Variants in RGS6 observed in about 807,000 individuals in gnomAD.
RGS6 encodes the protein regulator of G protein signaling 6.
A neutral mutation model predicts 78.5 loss-of-function variants in RGS6; 30 were observed. The observed-to-expected ratio is 0.38, with a 90% CI of 0.29 to 0.52. The LOEUF (loss-of-function observed/expected upper bound fraction) is 0.52. RGS6 is among the 20% of genes least tolerant of loss of function. The pLI is 0.85. For missense variants in RGS6, 495 were observed against 609.7 expected (o/e 0.81, Z 1.98); for synonymous variants, 206 against 206.0 (o/e 1.00, Z 0.00).
chr14:72,309,224 G>A (rs1176924944), intron 2 of RGS6, among the ~76,000 whole-genome samples: 4 of 152,172 alleles, frequency 2.6e-5, no homozygotes, highest in African/African-American at 7.2e-5. Flanking sequence ...CACCCTCAGA[G>A]GTCAGAGCGA....
chr14:72,166,352 C>T (rs1171384576), intron 2 of RGS6, among the ~76,000 whole-genome samples: 1 of 151,878 alleles, frequency 6.6e-6, no homozygotes, highest in Non-Finnish European at 1.5e-5. Flanking sequence ...ATTATTTTTC[C>T]AAAATTAATC....
At position 72,109,479 on chromosome 14, in the gene RGS6, A is replaced by T. The variant is rs529098584; in HGVS notation, c.84+144604A>T. ...AATTTTAGAGTCTATAACTTGAGAGATATAGCATTTTTGGAGCTGGGACAA... is the reference window on the plus strand; with the variant it reads ...AATTTTAGAGTCTATAACTTGAGAGTTATAGCATTTTTGGAGCTGGGACAA... On this transcript the variant is annotated intron_variant, in intron 2 of 17. Transcript: ENST00000553525. Among the ~76,000 whole-genome samples the T allele has an allele frequency of 2.6e-5, 4 of 152,328 alleles. No homozygotes were observed. The South Asian group carries it at 8.3e-4, about 32-fold the overall frequency.
intron 3 of RGS6, among the ~76,000 whole-genome samples, chr14:72,419,959 A>T (rs1349283104): frequency 6.6e-6 from 1 of 152,206 alleles, no homozygotes; most frequent in East Asian, 1.9e-4. Flanking sequence ...TGAGACAGAG[A>T]AGTGGATGGG....
intron 2 of RGS6, among the ~76,000 whole-genome samples, chr14:72,018,033 T>C (rs2087458992): frequency 1.3e-5 from 2 of 152,228 alleles, no homozygotes; most frequent in African/African-American, 4.8e-5. Context: ...TGTTTGGTTT[T>C]CTTTTCTTGT....
At chr14:72,406,841 G>A (rs2239216) in intron 3 of RGS6, among the ~76,000 whole-genome samples, 25,462 of 152,128 alleles carry the variant, frequency 0.17, 2,645 homozygotes, top group South Asian at 0.29. Context: ...CCTTAAAGCC[G>A]TATTCAGTAA....
chr14:72,071,193 C>T (rs568018257), intron 2 of RGS6, among the ~76,000 whole-genome samples: 208 of 152,126 alleles, frequency 1.4e-3, no homozygotes, highest in African/African-American at 4.5e-3. Flanking sequence ...TTTGGTTTCC[C>T]GCAACATTTC....
At chr14:72,395,790 T>G (rs2091107000) in intron 3 of RGS6, among the ~76,000 whole-genome samples, 1 of 152,166 alleles carries the variant, frequency 6.6e-6, no homozygotes, top group Admixed American at 6.5e-5. Flanking sequence ...GTGTTTGGTT[T>G]TTTTCCCTTG....
At chr14:72,350,417 G>A (rs1470175441) in intron 2 of RGS6, among the ~76,000 whole-genome samples, 3 of 152,206 alleles carry the variant, frequency 2.0e-5, no homozygotes, top group East Asian at 1.9e-4. Flanking sequence ...TGTCCCTGAT[G>A]TTGATCACAG....
At chr14:72,627,723 T>C in the RGS6 span, among the ~76,000 whole-genome samples, 1 of 152,128 alleles carries the variant, frequency 6.6e-6, no homozygotes, top group Non-Finnish European at 1.5e-5. Context: ...TGAGATAAAT[T>C]TATAAATTAA....
At chr14:72,527,308 C>T (rs1316356496) in intron 15 of RGS6, among the ~76,000 whole-genome samples, 1 of 152,236 alleles carries the variant, frequency 6.6e-6, no homozygotes, top group Non-Finnish European at 1.5e-5. Context: ...GATTTTGTCT[C>T]AGCCAACCAG....
At chr14:72,445,818 G>A (rs2095349914) in intron 3 of RGS6, among the ~76,000 whole-genome samples, 1 of 152,170 alleles carries the variant, frequency 6.6e-6, no homozygotes, top group Non-Finnish European at 1.5e-5. Flanking sequence ...GTTGAATTAT[G>A]TTCTCTCAAA....
chr14:72,538,386 T>G (rs1326566318), intron 16 of RGS6, among the ~76,000 whole-genome samples: 1 of 152,150 alleles, frequency 6.6e-6, no homozygotes, highest in African/African-American at 2.4e-5. Flanking sequence ...TCTAATATTT[T>G]CCAAATAAAT....
intron 2 of RGS6, among the ~76,000 whole-genome samples, chr14:72,222,074 G>C (rs1242849923): frequency 6.6e-6 from 1 of 152,170 alleles, no homozygotes; most frequent in Non-Finnish European, 1.5e-5. Flanking sequence ...TTTATAAGAG[G>C]GATATGAACT....
chr14:72,152,991 G>T (rs1171541737), intron 2 of RGS6, among the ~76,000 whole-genome samples: 1 of 152,152 alleles, frequency 6.6e-6, no homozygotes, highest in African/African-American at 2.4e-5. Flanking sequence ...CACCCAGGAA[G>T]AGGAGGGGCC....
intron 2 of RGS6, among the ~76,000 whole-genome samples, chr14:72,072,563 C>A (rs1319501161): frequency 6.6e-6 from 1 of 152,062 alleles, no homozygotes; most frequent in East Asian, 1.9e-4. Flanking sequence ...CCTGCCCCGG[C>A]CTCCCAAAGT....
chr14:72,264,267 A>G (rs1035092016), intron 2 of RGS6, among the ~76,000 whole-genome samples: 7 of 152,232 alleles, frequency 4.6e-5, no homozygotes, highest in Admixed American at 2.0e-4. Context: ...ACTGGTCTCC[A>G]TAAAATTTAA....
intron 2 of RGS6, among the ~76,000 whole-genome samples, chr14:72,233,432 T>C (rs1600078495): frequency 6.6e-6 from 1 of 152,166 alleles, no homozygotes; most frequent in Non-Finnish European, 1.5e-5. Context: ...AGTGGGTAAA[T>C]TGTTTATGGA....
intron 2 of RGS6, among the ~76,000 whole-genome samples, chr14:72,023,062 A>G (rs951745126): frequency 4.4e-4 from 67 of 152,298 alleles, no homozygotes; most frequent in African/African-American, 1.3e-3. Context: ...TGCCTGTTTC[A>G]TGTCATTCCT....
At chr14:72,113,061 C>T (rs1195069797) in intron 2 of RGS6, among the ~76,000 whole-genome samples, 1 of 144,446 alleles carries the variant, frequency 6.9e-6, no homozygotes, top group Non-Finnish European at 1.5e-5. Flanking sequence ...GCTTCCTACA[C>T]TTACACACAC....
Sources: allele counts gnomAD v4.1 joint callset (sites outside exome capture counted in the v4.1 genomes callset), GRCh38; gene constraint gnomAD v4.1.1; transcripts MANE v1.5; gene names NCBI Gene and HGNC (gene_info 2026-07-23, HGNC 2026-07-21).